UTRN: variants seen among roughly 807,000 people sequenced by gnomAD.
UTRN encodes utrophin.
Under a neutral mutation model 463.9 loss-of-function variants are expected in UTRN, and 283 were observed. The observed-to-expected ratio is 0.61, with a 90% CI of 0.55 to 0.67. UTRN has a LOEUF of 0.67. Among genes scored for constraint, UTRN ranks in the 30% least tolerant of loss-of-function variants. UTRN has a pLI of 0.00. For missense variants in UTRN, 3,922 were observed against 4,084.3 expected (o/e 0.96, Z 1.08); for synonymous variants, 1,442 against 1,431.5 (o/e 1.01, Z -0.17).
chr6:144,721,168 C>G (rs368990003), intron 53 of UTRN, among the ~76,000 whole-genome samples: 31 of 152,160 alleles, frequency 2.0e-4, no homozygotes, highest in African/African-American at 6.8e-4. Flanking sequence ...CTAAACACCT[C>G]AGAGCATGCG....
chr6:144,580,872 G>C (rs1801906940), intron 51 of UTRN, among the ~76,000 whole-genome samples: 5 of 152,180 alleles, frequency 3.3e-5, no homozygotes, highest in Admixed American at 2.6e-4. Flanking sequence ...GGCCTGTTAG[G>C]ATACTCATGT....
intron 71 of UTRN, among the ~76,000 whole-genome samples, chr6:144,838,367 T>C (rs1781277108): frequency 6.7e-6 from 1 of 150,232 alleles, no homozygotes; most frequent in African/African-American, 2.5e-5. Flanking sequence ...ATGCTAGAAG[T>C]AGATGGAAAA....
chr6:144,718,988 G>A (rs1786806787), intron 53 of UTRN, among the ~76,000 whole-genome samples: 1 of 152,186 alleles, frequency 6.6e-6, no homozygotes, highest in African/African-American at 2.4e-5. Context: ...CAATGAGATT[G>A]TTAAGAAAGC....
chr6:144,459,011 G>T lies in UTRN; in HGVS notation c.2526G>T (p.Gln842His). The T allele has an allele frequency of 6.3e-7, 1 of 1,599,100 alleles. No homozygotes were observed. Among genetic ancestry groups the T allele is most frequent in the East Asian group, 2.2e-5 (1 of 44,788 alleles). ...QSLPSLKDSCQRELTNLLGLH... is the reference protein window; with the variant it reads ...QSLPSLKDSCHRELTNLLGLH... ...TGCCAAGCTTGAAGGATTCCTGTCA[G>T]GTAAGGAGCCAACGGTCTGGAAAGT... is the stretch of plus-strand genomic sequence containing the variant. Residue 842 changes from glutamine (Q) to histidine (H), a missense_variant and splice_region_variant, in exon 20 of 75, where the codon CAG (glutamine) becomes CAT (histidine). Coordinates refer to ENST00000367545, the MANE Select transcript of UTRN (RefSeq NM_007124.3).
intron 53 of UTRN, among the ~76,000 whole-genome samples, chr6:144,706,023 ACATCATCAGT>A (rs1785052308): frequency 6.6e-6 from 1 of 152,038 alleles, no homozygotes; most frequent in African/African-American, 2.4e-5. Context: ...ATCTTACTGA[ACATCATCAGT>A]CATAATTATC....
chr6:144,606,062 A>G (rs892832867), intron 51 of UTRN, among the ~76,000 whole-genome samples: 1 of 152,214 alleles, frequency 6.6e-6, no homozygotes, highest in African/African-American at 2.4e-5. Context: ...TGCTTGTTAT[A>G]ACCAAATGGA....
At chr6:144,559,622 C>CGAGTGACCTTAGAGTTCT (rs1799683227) in intron 50 of UTRN, among the ~76,000 whole-genome samples, 2 of 152,050 alleles carry the variant, frequency 1.3e-5, no homozygotes, top group African/African-American at 2.4e-5. Context: ...TTAATGGATA[C>CGAGTGACCTTAGAGTTCT]GAGTGACCTT....
intron 7 of UTRN, among the ~76,000 whole-genome samples, chr6:144,427,437 T>C (rs1044510440): frequency 2.0e-5 from 3 of 152,188 alleles, no homozygotes; most frequent in Non-Finnish European, 4.4e-5. Flanking sequence ...TTTTAGTAAG[T>C]TTGTCTCTAG....
At chr6:144,755,984 C>T (rs967072118) in intron 57 of UTRN, among the ~76,000 whole-genome samples, 2 of 152,130 alleles carry the variant, frequency 1.3e-5, no homozygotes, top group African/African-American at 2.4e-5. Context: ...ACTGCCCCCA[C>T]CCCTACCTCA....
intron 2 of UTRN, among the ~76,000 whole-genome samples, chr6:144,307,600 G>A (rs961619330): frequency 3.9e-5 from 6 of 152,140 alleles, no homozygotes; most frequent in African/African-American, 1.4e-4. Context: ...TCAAATTCTG[G>A]TCCTTACTTT....
intron 3 of UTRN, among the ~76,000 whole-genome samples, chr6:144,421,393 T>C (rs1784815669): frequency 6.6e-6 from 1 of 152,098 alleles, no homozygotes; most frequent in Non-Finnish European, 1.5e-5. Flanking sequence ...GTTCTTTCTA[T>C]AAAAGACAAA....
intron 62 of UTRN, among the ~76,000 whole-genome samples, chr6:144,791,568 T>TA (rs79194006): frequency 1.7e-3 from 242 of 141,404 alleles, no homozygotes; most frequent in Middle Eastern, 7.1e-3. Context: ...AGCGAGACCT[T>TA]AAAAAAAAAA....
chr6:144,558,858 T>C (rs998841400), intron 50 of UTRN, among the ~76,000 whole-genome samples: 1 of 152,064 alleles, frequency 6.6e-6, no homozygotes, highest in African/African-American at 2.4e-5. Context: ...ACAAGTGTTA[T>C]GGGAGTTATG....
intron 3 of UTRN, among the ~76,000 whole-genome samples, chr6:144,419,976 A>ACG (rs1784690478): frequency 8.2e-6 from 1 of 122,362 alleles, no homozygotes; most frequent in African/African-American, 4.3e-5. Flanking sequence ...AGACACAGAC[A>ACG]CACACACACA....
chr6:144,803,295 T>C, intron 65 of UTRN, 148 bp downstream of exon 65: 1 of 437,846 alleles, frequency 2.3e-6, no homozygotes, highest in East Asian at 3.9e-5. Flanking sequence ...TCATTTATGT[T>C]GAATTAATTA....
intron 21 of UTRN, among the ~76,000 whole-genome samples, chr6:144,459,882 A>C (rs900834138): frequency 7.2e-5 from 11 of 152,204 alleles, no homozygotes; most frequent in African/African-American, 1.4e-4. Context: ...ATAACAGGTG[A>C]TATAACAGCC....
intron 2 of UTRN, among the ~76,000 whole-genome samples, chr6:144,322,867 T>C (rs1044723439): frequency 3.4e-5 from 5 of 147,904 alleles, no homozygotes; most frequent in East Asian, 4.0e-4. Flanking sequence ...GGCGTGAACC[T>C]GGGAGGCGGA....
intron 51 of UTRN, among the ~76,000 whole-genome samples, chr6:144,666,900 T>A (rs1780456346): frequency 2.6e-5 from 4 of 152,204 alleles, no homozygotes; most frequent in Non-Finnish European, 5.9e-5. Context: ...TCGCCTGATC[T>A]GATGTGAGAA....
intron 32 of UTRN, among the ~76,000 whole-genome samples, chr6:144,492,146 T>C (rs1010351719): frequency 1.3e-5 from 2 of 152,204 alleles, no homozygotes; most frequent in South Asian, 2.1e-4. Context: ...TAGTACCCAA[T>C]TGGTAGTTTT....
Sources: allele counts gnomAD v4.1 joint callset (sites outside exome capture counted in the v4.1 genomes callset), GRCh38; gene constraint gnomAD v4.1.1; transcripts MANE v1.5; gene names NCBI Gene and HGNC (gene_info 2026-07-23, HGNC 2026-07-21).